Variants in KIAA0825 observed in about 807,000 individuals in gnomAD.
The protein encoded by KIAA0825 is KIAA0825, also known as uncharacterized protein KIAA0825.
Under a neutral mutation model 147.6 loss-of-function variants are expected in KIAA0825, and 119 were observed. That is an observed-to-expected ratio of 0.81 (90% CI 0.69 to 0.94). KIAA0825 has a LOEUF of 0.94. Among genes scored for constraint, KIAA0825 ranks in the 40% least tolerant of loss-of-function variants. KIAA0825 has a pLI of 0.00. For synonymous variants in KIAA0825, 470 were observed against 518.1 expected (o/e 0.91, Z 1.26); for missense variants, 1,381 against 1,472.7 (o/e 0.94, Z 1.02).
chr5:94,544,334 A>G (rs1307644093), intron 2 of KIAA0825, among the ~76,000 whole-genome samples: 1 of 152,258 alleles, frequency 6.6e-6, no homozygotes, highest in East Asian at 1.9e-4. Context: ...ATGCTATGGC[A>G]TAATGAGAAG....
At chr5:94,518,774 G>GACAC (rs1767645649) in intron 5 of KIAA0825, among the ~76,000 whole-genome samples, 1 of 152,058 alleles carries the variant, frequency 6.6e-6, no homozygotes, top group Non-Finnish European at 1.5e-5. Flanking sequence ...TCAAATTCTG[G>GACAC]TGTTAAAGAG....
At chr5:94,592,784 T>C in intron 1 of KIAA0825, 1 of 380,284 alleles carries the variant, frequency 2.6e-6, no homozygotes, top group Non-Finnish European at 5.1e-6. Context: ...AAAACATCTG[T>C]TTGCCTAGAC....
chr5:94,599,166 C>T (rs1785865039), intron 1 of KIAA0825, among the ~76,000 whole-genome samples: 1 of 151,938 alleles, frequency 6.6e-6, no homozygotes, highest in South Asian at 2.1e-4. Context: ...TAATAATAGC[C>T]ATCCTAACTG....
chr5:94,571,197 A>G (rs1244441118), intron 2 of KIAA0825, among the ~76,000 whole-genome samples: 1 of 152,228 alleles, frequency 6.6e-6, no homozygotes, highest in African/African-American at 2.4e-5. Context: ...TAATAGTACC[A>G]AGAGAAAATA....
intron 20 of KIAA0825, among the ~76,000 whole-genome samples, chr5:94,328,018 T>C (rs181328223): frequency 1.3e-5 from 2 of 152,064 alleles, no homozygotes; most frequent in East Asian, 3.9e-4. Context: ...AAAAAAGAAC[T>C]CATGTTTTCT....
intron 20 of KIAA0825, among the ~76,000 whole-genome samples, chr5:94,162,819 T>A (rs1391807110): frequency 6.6e-6 from 1 of 152,216 alleles, no homozygotes; most frequent in Non-Finnish European, 1.5e-5. Context: ...CACTGTAATC[T>A]GTACCTTTTA....
intron 2 of KIAA0825, among the ~76,000 whole-genome samples, chr5:94,577,777 G>T (rs987354207): frequency 2.0e-5 from 3 of 152,122 alleles, no homozygotes; most frequent in African/African-American, 7.2e-5. Flanking sequence ...AACCAGATTG[G>T]AGACCATTCA....
intron 13 of KIAA0825, among the ~76,000 whole-genome samples, chr5:94,444,717 C>T (rs2160758): frequency 0.46 from 70,429 of 151,760 alleles, 16,509 homozygotes; most frequent in South Asian, 0.51. Flanking sequence ...GCTAAGTCCA[C>T]TGTCATTAAG....
chr5:94,587,199 C>G (rs1456908026), intron 1 of KIAA0825, among the ~76,000 whole-genome samples: 1 of 152,090 alleles, frequency 6.6e-6, no homozygotes, highest in Non-Finnish European at 1.5e-5. Flanking sequence ...CCTGGGCATT[C>G]AGGCAAGATA....
At chr5:94,162,567 A>G (rs944184564) in intron 20 of KIAA0825, among the ~76,000 whole-genome samples, 2 of 152,164 alleles carry the variant, frequency 1.3e-5, no homozygotes, top group African/African-American at 4.8e-5. Flanking sequence ...CATTGGGATT[A>G]TAAGTGTCAG....
At chr5:94,161,828 T>C (rs1031201477) in intron 20 of KIAA0825, among the ~76,000 whole-genome samples, 2 of 152,210 alleles carry the variant, frequency 1.3e-5, no homozygotes, top group African/African-American at 4.8e-5. Context: ...TTTTCTCTTA[T>C]AATATGACAA....
At chr5:94,300,821 G>A (rs1348125499) in intron 20 of KIAA0825, among the ~76,000 whole-genome samples, 1 of 152,142 alleles carries the variant, frequency 6.6e-6, no homozygotes, top group Non-Finnish European at 1.5e-5. Context: ...GTAAACAATT[G>A]ACAGGTAGCC....
At chr5:94,187,984 G>C (rs751766710) in intron 20 of KIAA0825, among the ~76,000 whole-genome samples, 1 of 152,116 alleles carries the variant, frequency 6.6e-6, no homozygotes, top group Admixed American at 6.5e-5. Flanking sequence ...AAGACGATTA[G>C]GTCACAAAAG....
At chr5:94,398,689 G>A (rs921445623) in intron 16 of KIAA0825, among the ~76,000 whole-genome samples, 10 of 152,046 alleles carry the variant, frequency 6.6e-5, no homozygotes, top group Non-Finnish European at 1.3e-4. Flanking sequence ...TCCAGAGCAT[G>A]GGAAACAAAG....
intron 20 of KIAA0825, among the ~76,000 whole-genome samples, chr5:94,308,153 G>A (rs1778867669): frequency 6.6e-6 from 1 of 151,696 alleles, no homozygotes; most frequent in East Asian, 1.9e-4. Flanking sequence ...TGTTAGTCCT[G>A]GGAAAATGAA....
At chr5:94,391,401 T>G (rs764728382) in intron 18 of KIAA0825, 134 bp downstream of exon 18, 6 of 793,524 alleles carry the variant, frequency 7.6e-6, no homozygotes, top group Non-Finnish European at 1.2e-5. Context: ...ATAGATTCTA[T>G]TAATAATGCA....
At chr5:94,356,379 G>A (rs1784253523) in intron 20 of KIAA0825, among the ~76,000 whole-genome samples, 1 of 151,898 alleles carries the variant, frequency 6.6e-6, no homozygotes, top group African/African-American at 2.4e-5. Flanking sequence ...AGGCCGAAGT[G>A]GGCGGATCAC....
At chr5:94,458,968 G>A (rs897182071) in intron 12 of KIAA0825, among the ~76,000 whole-genome samples, 3 of 152,028 alleles carry the variant, frequency 2.0e-5, no homozygotes, top group Admixed American at 2.0e-4. Flanking sequence ...TTCATTAGCT[G>A]TCACTCCCCA....
chr5:94,386,465 A>T, intron 18 of KIAA0825, 61 bp from the exon 19 acceptor site: 1 of 1,368,554 alleles, frequency 7.3e-7, no homozygotes, highest in Non-Finnish European at 1.0e-6. Context: ...TGTAAAAATA[A>T]ACTGATCAAT....
Sources: allele counts gnomAD v4.1 joint callset (sites outside exome capture counted in the v4.1 genomes callset), GRCh38; gene constraint gnomAD v4.1.1; transcripts MANE v1.5; gene names NCBI Gene and HGNC (gene_info 2026-07-23, HGNC 2026-07-21).